The following DEFB131A variants were observed in gnomAD, a reference collection of about 807,000 sequenced individuals.
The protein encoded by DEFB131A is beta-defensin 131A.
DEFB131A carries 5 observed loss-of-function variants against 2.4 expected under a neutral mutation model. The observed-to-expected ratio is 2.12, with a 90% CI of 1.11 to 4.47. DEFB131A has a LOEUF of 4.47. DEFB131A is among the 30% of genes most tolerant of loss of function. The probability of loss-of-function intolerance (pLI) is 0.00; values close to 1 mark genes in which losing one functional copy is unlikely to be tolerated. For missense variants in DEFB131A, 120 were observed against 79.9 expected, an observed-to-expected ratio of 1.50 and a Z score of -1.91; for synonymous variants, 34 against 25.7, an observed-to-expected ratio of 1.32 and a Z score of -0.97.
At chr4:9,447,180 G>C (rs1159643641) in intron 1 of DEFB131A, among the ~76,000 whole-genome samples, 1 of 152,156 alleles carries the variant, frequency 6.6e-6, no homozygotes, top group South Asian at 2.1e-4. Context: ...TGCTGAAAGT[G>C]GGATATTGAA....
At chr4:9,447,720 A>C (rs1362901989) in intron 1 of DEFB131A, among the ~76,000 whole-genome samples, 2 of 147,750 alleles carry the variant, frequency 1.4e-5, no homozygotes, top group Non-Finnish European at 2.9e-5. Flanking sequence ...AGTCCTTAAA[A>C]AAAAAAAAAA....
rs188150949 is a variant in DEFB131A at position 9,445,609 on chromosome 4, T to A, written c.58+1018T>A. Among the ~76,000 whole-genome samples the A allele has an allele frequency of 7.3e-3, 1,107 of 151,778 alleles. 39 individuals are homozygous for A. The East Asian group carries it at 0.085, about 12-fold the overall frequency. ...CAAGATTCCCTCATTTATATAATACTTCATGATTCAAGATTCCCTTATTTA... is the reference window on the plus strand; with the variant it reads ...CAAGATTCCCTCATTTATATAATACATCATGATTCAAGATTCCCTTATTTA... On this transcript the variant is annotated intron_variant, in intron 1 of 1. Coordinates refer to ENST00000334879, the MANE Select transcript of DEFB131A (RefSeq NM_001040448.3).
intron 1 of DEFB131A, among the ~76,000 whole-genome samples, chr4:9,449,091 G>A (rs1213721820): frequency 1.3e-5 from 2 of 151,354 alleles, no homozygotes; most frequent in Non-Finnish European, 2.9e-5. Flanking sequence ...ATTCATAATA[G>A]CAAGAAAAAG....
chr4:9,447,008 A>C (rs1306281614), intron 1 of DEFB131A, among the ~76,000 whole-genome samples: 1 of 152,110 alleles, frequency 6.6e-6, no homozygotes, highest in African/African-American at 2.4e-5. Flanking sequence ...GTCTTAACAT[A>C]TGGTCCAGCC....
At chr4:9,447,716 TAAAAA>T (rs57201315) in intron 1 of DEFB131A, among the ~76,000 whole-genome samples, 1 of 134,838 alleles carries the variant, frequency 7.4e-6, no homozygotes, top group African/African-American at 2.7e-5. Context: ...TATCAGTCCT[TAAAAA>T]AAAAAAAAAA....
chr4:9,448,425 C>G (rs1717561873), intron 1 of DEFB131A, among the ~76,000 whole-genome samples: 1 of 152,106 alleles, frequency 6.6e-6, no homozygotes, highest in Non-Finnish European at 1.5e-5. Flanking sequence ...CCTTGGCTCA[C>G]TGCAGCCTCT....
In DEFB131A at chr4:9,449,044, TAAC is replaced by T. The variant is rs1357160673; in HGVS notation, c.59-1310_59-1308del. Among the ~76,000 whole-genome samples, 4 of 151,922 alleles carry T rather than the reference TAAC, an allele frequency of 2.6e-5. No homozygotes were observed. The East Asian group carries it at 7.8e-4, about 30-fold the overall frequency. On this transcript the variant is annotated intron_variant, in intron 1 of 1. Transcript: ENST00000334879. ...AATATCAGTTGTGTTTCTATAGCAC[TAAC>T]AACAAGCACTGGAAAGCAAGTAAAG...
At chr4:9,450,251 T>G (rs1717620387) in intron 1 of DEFB131A, 109 bp from the exon 2 acceptor site, 1 of 1,251,816 alleles carries the variant, frequency 8.0e-7, no homozygotes, top group African/African-American at 1.5e-5. Context: ...TGATTTTGTT[T>G]TTCTGGGAAA....
intron 1 of DEFB131A, among the ~76,000 whole-genome samples, chr4:9,449,216 T>C (rs1351883908): frequency 6.7e-6 from 1 of 150,254 alleles, no homozygotes; most frequent in Non-Finnish European, 1.5e-5. Context: ...ATATCCTATG[T>C]TCATGAATTG....
intron 1 of DEFB131A, among the ~76,000 whole-genome samples, chr4:9,449,981 C>G (rs1329514984): frequency 6.6e-6 from 1 of 152,164 alleles, no homozygotes; most frequent in African/African-American, 2.4e-5. Flanking sequence ...AGGCCAACCC[C>G]TCTACTTACA....
chr4:9,445,611 C>T (rs1717474319), intron 1 of DEFB131A, among the ~76,000 whole-genome samples: 1 of 151,516 alleles, frequency 6.6e-6, no homozygotes, highest in African/African-American at 2.4e-5. Context: ...TATAATACTT[C>T]ATGATTCAAG....
intron 1 of DEFB131A, among the ~76,000 whole-genome samples, chr4:9,448,459 G>A (rs564204415): frequency 1.1e-4 from 17 of 151,852 alleles, no homozygotes; most frequent in East Asian, 5.8e-4. Flanking sequence ...AAGCAATCTC[G>A]TGCCTCAGCC....
chr4:9,447,873 A>G (rs112319957), intron 1 of DEFB131A, among the ~76,000 whole-genome samples: 23 of 152,190 alleles, frequency 1.5e-4, no homozygotes, highest in Admixed American at 3.9e-4. Flanking sequence ...AGTGAGCTTA[A>G]AGAAGTTTAA....
At chr4:9,450,210 T>A in intron 1 of DEFB131A, 150 bp from the exon 2 acceptor site, 1 of 885,588 alleles carries the variant, frequency 1.1e-6, no homozygotes. Context: ...TTATTCAGCA[T>A]CTCCACGTTT....
intron 1 of DEFB131A, among the ~76,000 whole-genome samples, chr4:9,447,932 C>G (rs1188716101): frequency 6.6e-6 from 1 of 151,760 alleles, no homozygotes; most frequent in Non-Finnish European, 1.5e-5. Context: ...TTAAAAAGAA[C>G]AGAATATTTA....
chr4:9,448,389 C>T (rs1397411557), intron 1 of DEFB131A, among the ~76,000 whole-genome samples: 4 of 152,098 alleles, frequency 2.6e-5, no homozygotes, highest in Non-Finnish European at 4.4e-5. Flanking sequence ...CACTTTGTCA[C>T]CCAGGCTGGA....
intron 1 of DEFB131A, among the ~76,000 whole-genome samples, chr4:9,447,952 G>A (rs1405067403): frequency 3.3e-5 from 5 of 151,976 alleles, no homozygotes; most frequent in African/African-American, 1.2e-4. Flanking sequence ...AATAAGTGTA[G>A]GCCAATTACA....
At chr4:9,449,461 A>G (rs936319359) in intron 1 of DEFB131A, among the ~76,000 whole-genome samples, 8 of 149,568 alleles carry the variant, frequency 5.3e-5, no homozygotes, top group African/African-American at 1.7e-4. Flanking sequence ...GGTTTCTTCA[A>G]TACTTCGTAC....
intron 1 of DEFB131A, among the ~76,000 whole-genome samples, chr4:9,448,566 C>T (rs1717566317): frequency 6.6e-6 from 1 of 152,124 alleles, no homozygotes; most frequent in Non-Finnish European, 1.5e-5. Context: ...TCAGGTGATC[C>T]GCCCGCCTTG....
Sources: gnomAD v4.1 joint callset for allele counts (sites outside exome capture counted in the v4.1 genomes callset) on GRCh38, gnomAD v4.1.1 for gene constraint, MANE v1.5 for transcripts, NCBI Gene and HGNC (gene_info 2026-07-23, HGNC 2026-07-21) for gene names.